GNAQ: variants seen among roughly 807,000 people sequenced by gnomAD.
The protein encoded by GNAQ is G protein subunit alpha q.
In GNAQ, 8 loss-of-function variants were observed where a neutral mutation model predicts 43.9. That is an observed-to-expected ratio of 0.18 (90% CI 0.11 to 0.33). GNAQ has a LOEUF of 0.33. GNAQ is among the 10% of genes least tolerant of loss of function. GNAQ has a pLI of 1.00. For missense variants in GNAQ, 158 were observed against 450.8 expected (o/e 0.35, Z 5.88); for synonymous variants, 155 against 170.7 (o/e 0.91, Z 0.71).
chr9:77,998,658 C>T (rs1483560420), intron 1 of GNAQ, among the ~76,000 whole-genome samples: 1 of 152,132 alleles, frequency 6.6e-6, no homozygotes, highest in African/African-American at 2.4e-5. Flanking sequence ...AAAGTAAACA[C>T]TACATAAGAT....
At position 77,987,584 on chromosome 9, in the gene GNAQ, A is replaced by G. The variant is rs190620370; in HGVS notation, c.136+43516T>C. Among the ~76,000 whole-genome samples, 38 of 152,248 alleles carry G rather than the reference A, an allele frequency of 2.5e-4. 1 individual carries two copies. The highest frequency in any genetic ancestry group is 3.3e-4 in the Admixed American group (5 of 15,290). On this transcript the variant is annotated intron_variant, in intron 1 of 6. Coordinates refer to ENST00000286548, the MANE Select transcript of GNAQ (RefSeq NM_002072.5). Reference sequence around the variant, plus strand: ...TCACAGCCAGAGTTCTAATCTATACATGAGTCATTCACTCATTCATCCGGT... The same window carrying G: ...TCACAGCCAGAGTTCTAATCTATACGTGAGTCATTCACTCATTCATCCGGT...
chr9:77,795,396 G>GTTTC (rs1234155109), intron 4 of GNAQ, among the ~76,000 whole-genome samples: 2 of 152,174 alleles, frequency 1.3e-5, no homozygotes, highest in African/African-American at 2.4e-5. Flanking sequence ...CTGAGTCAAA[G>GTTTC]TTTCTCCAAA....
intron 5 of GNAQ, among the ~76,000 whole-genome samples, chr9:77,746,779 A>C (rs1226389550): frequency 6.6e-6 from 1 of 152,200 alleles, no homozygotes; most frequent in East Asian, 1.9e-4. Context: ...CCATAATAGA[A>C]GATAATACAA....
chr9:77,941,082 A>G (rs1829310103), intron 1 of GNAQ, among the ~76,000 whole-genome samples: 1 of 152,258 alleles, frequency 6.6e-6, no homozygotes, highest in African/African-American at 2.4e-5. Flanking sequence ...AGAATTAACA[A>G]ATTCAAATGG....
In GNAQ at chr9:77,948,827, A is replaced by C. The variant is rs1040860696; in HGVS notation, c.137-26482T>G. Among the ~76,000 whole-genome samples the C allele has an allele frequency of 1.3e-5, 2 of 152,268 alleles. 1 individual carries two copies. The highest frequency in any genetic ancestry group is 1.3e-4 in the Admixed American group (2 of 15,300). The stretch of plus-strand genomic sequence containing the variant: ...TGGACCCTAAGGACATGAACAGACA[A>C]ACACCTGACCAAGAACCAACAGCTC... On this transcript the variant is annotated intron_variant, in intron 1 of 6. Coordinates refer to ENST00000286548, the MANE Select transcript of GNAQ (RefSeq NM_002072.5).
intron 2 of GNAQ, among the ~76,000 whole-genome samples, chr9:77,845,965 A>T (rs922330019): frequency 6.6e-6 from 1 of 152,182 alleles, no homozygotes; most frequent in Non-Finnish European, 1.5e-5. Flanking sequence ...GAAACTAGAG[A>T]GAGTCAGAGG....
intron 1 of GNAQ, among the ~76,000 whole-genome samples, chr9:78,001,363 T>G (rs1252296051): frequency 1.3e-5 from 2 of 151,714 alleles, no homozygotes. Context: ...ATCGCGCCAC[T>G]GCACACTCCA....
Position 77,839,707 on chromosome 9 carries a change from C to A in GNAQ, c.322-23937G>T, listed in dbSNP as rs528809618. 4.6e-5 allele frequency among the ~76,000 whole-genome samples: 7 copies of A among 152,302 alleles called. No homozygotes were observed. In the East Asian group the frequency reaches 1.4e-3, roughly 29 times the overall value. On this transcript the variant is annotated intron_variant, in intron 2 of 6. Coordinates refer to ENST00000286548, the MANE Select transcript of GNAQ (RefSeq NM_002072.5). ...GAAGGGCAAGAAGGTATGGGTTGAT[C>A]ACTAGCGTGGCTATACTTTAACTTG...
At chr9:77,931,760 T>C (rs1829156694) in intron 1 of GNAQ, among the ~76,000 whole-genome samples, 1 of 152,222 alleles carries the variant, frequency 6.6e-6, no homozygotes, top group South Asian at 2.1e-4. Flanking sequence ...GTAAATTACC[T>C]GTCCTCTCTA....
intron 5 of GNAQ, among the ~76,000 whole-genome samples, chr9:77,735,547 C>T (rs1446682827): frequency 6.6e-6 from 1 of 152,198 alleles, no homozygotes; most frequent in East Asian, 1.9e-4. Context: ...TTTCTTTCCT[C>T]CCTTGATTGT....
chr9:77,964,206 C>T (rs1823139151), intron 1 of GNAQ, among the ~76,000 whole-genome samples: 1 of 152,050 alleles, frequency 6.6e-6, no homozygotes, highest in Admixed American at 6.5e-5. Context: ...AACCGGTTAA[C>T]TTATCGAAAG....
chr9:77,972,059 A>G (rs1348822356), intron 1 of GNAQ, among the ~76,000 whole-genome samples: 1 of 152,140 alleles, frequency 6.6e-6, no homozygotes, highest in Non-Finnish European at 1.5e-5. Flanking sequence ...TTGGGCTGAG[A>G]TGATGGGGTT....
chr9:77,950,851 T>A (rs1822965079), intron 1 of GNAQ, among the ~76,000 whole-genome samples: 1 of 152,158 alleles, frequency 6.6e-6, no homozygotes, highest in African/African-American at 2.4e-5. Context: ...GGCCCTGATG[T>A]AATAAATAAG....
At chr9:77,898,227 C>T (rs1296029932) in intron 2 of GNAQ, among the ~76,000 whole-genome samples, 2 of 152,172 alleles carry the variant, frequency 1.3e-5, no homozygotes, top group African/African-American at 4.8e-5. Context: ...TAATAAAAGG[C>T]ACAATATATT....
intron 1 of GNAQ, among the ~76,000 whole-genome samples, chr9:77,947,109 C>A (rs1373972629): frequency 6.6e-6 from 1 of 152,252 alleles, no homozygotes. Context: ...GCAAAACCTC[C>A]CCCATTCTTG....
intron 1 of GNAQ, among the ~76,000 whole-genome samples, chr9:77,998,371 A>C (rs1255787927): frequency 6.6e-6 from 1 of 152,226 alleles, no homozygotes; most frequent in African/African-American, 2.4e-5. Context: ...TTTCTATGAA[A>C]TACCCAAAAA....
chr9:77,902,176 C>T (rs10869985), intron 2 of GNAQ, among the ~76,000 whole-genome samples: 86,920 of 152,100 alleles, frequency 0.57, 26,908 homozygotes, highest in South Asian at 0.71. Flanking sequence ...CTGGCTGATG[C>T]AAAATGAAAC....
intron 1 of GNAQ, among the ~76,000 whole-genome samples, chr9:77,974,470 G>A (rs1371994546): frequency 6.6e-6 from 1 of 152,184 alleles, no homozygotes; most frequent in Non-Finnish European, 1.5e-5. Context: ...TACTATGTGT[G>A]AGATACTGTT....
intron 5 of GNAQ, among the ~76,000 whole-genome samples, chr9:77,775,509 A>C (rs1043530291): frequency 6.7e-6 from 1 of 149,018 alleles, no homozygotes; most frequent in Non-Finnish European, 1.5e-5. Context: ...TCCCGGGTTC[A>C]CGCCATTCTC....
Sources: allele counts gnomAD v4.1 joint callset (sites outside exome capture counted in the v4.1 genomes callset), GRCh38; gene constraint gnomAD v4.1.1; transcripts MANE v1.5; gene names NCBI Gene and HGNC (gene_info 2026-07-23, HGNC 2026-07-21).